The following CDH20 variants were observed in gnomAD, a reference collection of about 807,000 sequenced individuals.
CDH20 encodes cadherin-20.
A neutral mutation model predicts 74.2 loss-of-function variants in CDH20; 29 were observed. The observed-to-expected ratio is 0.39, with a 90% CI of 0.29 to 0.53. CDH20 has a LOEUF of 0.53. Among genes scored for constraint, CDH20 ranks in the 20% least tolerant of loss-of-function variants. The pLI, the probability that CDH20 is intolerant of heterozygous loss-of-function variation, is 0.69. For missense variants in CDH20, 988 were observed against 1,048.3 expected (o/e 0.94, Z 0.79); for synonymous variants, 469 against 405.4 (o/e 1.16, Z -1.88).
rs183547881 is a variant in CDH20 at position 61,402,477 on chromosome 18, A to G, written c.-153+68650A>G. Among the ~76,000 whole-genome samples, 14 of 152,330 alleles carry G rather than the reference A, an allele frequency of 9.2e-5. No homozygotes were observed. The East Asian group carries it at 2.7e-3, about 29-fold the overall frequency. On this transcript the variant is annotated intron_variant, in intron 1 of 11. Coordinates refer to ENST00000262717, the MANE Select transcript of CDH20 (RefSeq NM_031891.4). ...TTGACTAGCAAAACTACTTCATGAA[A>G]TACATCCCTTGATTCCCTAATGTCA...
intron 1 of CDH20, among the ~76,000 whole-genome samples, chr18:61,347,321 C>T (rs2023150): frequency 0.19 from 4,738 of 24,968 alleles, 123 homozygotes; most frequent in African/African-American, 0.22. Flanking sequence ...TATATATATA[C>T]ACACACACAC....
At chr18:61,335,037 T>C (rs1008123611) in intron 1 of CDH20, among the ~76,000 whole-genome samples, 4 of 152,054 alleles carry the variant, frequency 2.6e-5, no homozygotes, top group African/African-American at 7.2e-5. Context: ...AGCTAAGGAA[T>C]TGGATCTACC....
chr18:61,478,100 G>T (rs774187287), intron 1 of CDH20, among the ~76,000 whole-genome samples: 1 of 151,750 alleles, frequency 6.6e-6, no homozygotes, highest in South Asian at 2.1e-4. Context: ...TTGGGAGGCT[G>T]AGAAAGAAGA....
Position 61,555,596 on chromosome 18 carries a change from A to G in CDH20, c.*901A>G, listed in dbSNP as rs1331112473. 1.0e-6 allele frequency: 1 copy of G among 984,932 alleles called. No homozygotes were observed. 61.0% of individuals were successfully genotyped at this position (984,932 alleles called of 1,614,324 possible). On this transcript the variant is annotated 3_prime_UTR_variant, in exon 12 of 12. Transcript: ENST00000262717. The stretch of plus-strand genomic sequence containing the variant: ...TTCCTAATCTGTGTGAGGTCAATCC[A>G]AGGGATGTTTACATACTGTAGATAA...
chr18:61,511,501 C>T (rs549491346), intron 6 of CDH20, among the ~76,000 whole-genome samples: 58 of 152,062 alleles, frequency 3.8e-4, no homozygotes, highest in African/African-American at 1.3e-3. Context: ...TTCTTTAGTA[C>T]GAAAACTCTA....
chr18:61,452,853 G>A (rs900142039), intron 1 of CDH20, among the ~76,000 whole-genome samples: 2 of 151,960 alleles, frequency 1.3e-5, no homozygotes, highest in Non-Finnish European at 2.9e-5. Flanking sequence ...TATTTTTATT[G>A]CACTAATAAT....
intron 1 of CDH20, among the ~76,000 whole-genome samples, chr18:61,385,852 C>T (rs1433334638): frequency 6.6e-6 from 1 of 151,492 alleles, no homozygotes; most frequent in East Asian, 1.9e-4. Flanking sequence ...ATCACTTGAA[C>T]CTGGGAGGTG....
chr18:61,454,424 G>T (rs1909504013), intron 1 of CDH20, among the ~76,000 whole-genome samples: 1 of 152,126 alleles, frequency 6.6e-6, no homozygotes, highest in Non-Finnish European at 1.5e-5. Flanking sequence ...GACCTGTCTG[G>T]AATGAAAAGG....
At chr18:61,410,677 T>C (rs1912464871) in intron 1 of CDH20, among the ~76,000 whole-genome samples, 1 of 152,180 alleles carries the variant, frequency 6.6e-6, no homozygotes, top group African/African-American at 2.4e-5. Flanking sequence ...AAATAAATGG[T>C]TTAAAAACAA....
chr18:61,387,611 C>A (rs1911645793), intron 1 of CDH20, among the ~76,000 whole-genome samples: 1 of 152,166 alleles, frequency 6.6e-6, no homozygotes, highest in African/African-American at 2.4e-5. Flanking sequence ...GAAATACTTT[C>A]CAAACAGGCT....
At chr18:61,495,215 A>G (rs547309086) in intron 2 of CDH20, among the ~76,000 whole-genome samples, 10 of 152,336 alleles carry the variant, frequency 6.6e-5, no homozygotes, top group African/African-American at 2.4e-4. Context: ...ATATGGGCAA[A>G]TATAAAACAC....
chr18:61,492,839 A>G (rs1911006741), intron 2 of CDH20, among the ~76,000 whole-genome samples: 1 of 152,212 alleles, frequency 6.6e-6, no homozygotes, highest in South Asian at 2.1e-4. Flanking sequence ...AAGCAAGAAC[A>G]TTGCTCCCAT....
intron 1 of CDH20, among the ~76,000 whole-genome samples, chr18:61,483,450 T>A (rs1910658687): frequency 1.3e-5 from 2 of 152,204 alleles, no homozygotes; most frequent in African/African-American, 4.8e-5. Context: ...TTTTGTGGAA[T>A]CCTTGTAAGG....
chr18:61,554,736 C>A lies in CDH20; in HGVS notation c.*41C>A. The A allele has an allele frequency of 6.7e-7, 1 of 1,496,438 alleles. No individual in the cohort carries two copies. The allele number at this position is 1,496,438 out of a possible 1,614,324, so 92.7% of individuals were successfully genotyped here. ...AGGCGCGCGTCCAAATCCAGACGTT[C>A]TCCGCGGGTGCTTCGCGGACAAGGT... On this transcript the variant is annotated 3_prime_UTR_variant, in exon 12 of 12. Coordinates refer to ENST00000262717, the MANE Select transcript of CDH20 (RefSeq NM_031891.4).
At chr18:61,404,324 A>T (rs1283674377) in intron 1 of CDH20, among the ~76,000 whole-genome samples, 1 of 152,244 alleles carries the variant, frequency 6.6e-6, no homozygotes, top group Non-Finnish European at 1.5e-5. Flanking sequence ...TTATTACTTA[A>T]AAACAGATAG....
chr18:61,466,265 ATTCCTGTTAG>A, intron 1 of CDH20, among the ~76,000 whole-genome samples: 1 of 152,324 alleles, frequency 6.6e-6, no homozygotes, highest in East Asian at 1.9e-4. Context: ...TTTACAAACA[ATTCCTGTTAG>A]TATAGTTGTA....
At chr18:61,378,476 T>C (rs934105220) in intron 1 of CDH20, among the ~76,000 whole-genome samples, 2 of 152,208 alleles carry the variant, frequency 1.3e-5, no homozygotes, top group Non-Finnish European at 2.9e-5. Context: ...ACGGATTAGA[T>C]GATGCCTGCT....
intron 1 of CDH20, among the ~76,000 whole-genome samples, chr18:61,390,204 T>C (rs186623149): frequency 1.3e-5 from 2 of 152,272 alleles, no homozygotes; most frequent in East Asian, 1.9e-4. Context: ...ACCCAGCATA[T>C]GCTTAGCTCA....
intron 3 of CDH20, among the ~76,000 whole-genome samples, chr18:61,500,095 T>A: frequency 1.2e-5 from 1 of 84,998 alleles, no homozygotes; most frequent in South Asian, 4.5e-4. Flanking sequence ...AGAGTGAGAC[T>A]CCATCTTAAA....
Sources: gnomAD v4.1 joint callset for allele counts (sites outside exome capture counted in the v4.1 genomes callset) on GRCh38, gnomAD v4.1.1 for gene constraint, MANE v1.5 for transcripts, NCBI Gene and HGNC (gene_info 2026-07-23, HGNC 2026-07-21) for gene names.